The following FAM89A variants were observed in gnomAD, a reference collection of about 807,000 sequenced individuals.
FAM89A encodes the protein protein FAM89A.
A neutral mutation model predicts 7.1 loss-of-function variants in FAM89A; 10 were observed. That is an observed-to-expected ratio of 1.40 (90% CI 0.86 to 2.38). FAM89A has a LOEUF of 2.38. Among genes scored for constraint, FAM89A ranks in the 30% most tolerant of loss-of-function variants. The pLI is 0.00. For synonymous variants in FAM89A, 157 were observed against 129.3 expected, an observed-to-expected ratio of 1.21 and a Z score of -1.45; for missense variants, 276 against 262.8, an observed-to-expected ratio of 1.05 and a Z score of -0.35.
intron 1 of FAM89A, among the ~76,000 whole-genome samples, chr1:231,020,932 G>A (rs796878976): frequency 5.9e-5 from 9 of 152,246 alleles, no homozygotes; most frequent in South Asian, 4.1e-4. Flanking sequence ...GAAATGCATC[G>A]TTTACACCAA....
chr1:231,034,011 T>A (rs1002655011), intron 1 of FAM89A, among the ~76,000 whole-genome samples: 1 of 152,206 alleles, frequency 6.6e-6, no homozygotes, highest in Non-Finnish European at 1.5e-5. Context: ...GGGATGGGGA[T>A]GGGACAAGTA....
intron 1 of FAM89A, among the ~76,000 whole-genome samples, chr1:231,033,063 T>C (rs534443532): frequency 2.0e-5 from 3 of 152,386 alleles, no homozygotes; most frequent in African/African-American, 7.2e-5. Flanking sequence ...AAGGTTTTTC[T>C]GTCTCCAGAG....
intron 1 of FAM89A, chr1:231,026,789 C>T (rs1293373626): frequency 6.6e-6 from 1 of 152,170 alleles, no homozygotes; most frequent in African/African-American, 2.4e-5. Flanking sequence ...AGGAGTCTGA[C>T]TCGGCCAGCT....
rs1286206605 is a variant in FAM89A, at chr1:231,019,252, T to A, written c.*611A>T. On this transcript the variant is annotated 3_prime_UTR_variant, in exon 2 of 2. Transcript: ENST00000366654. Reference sequence around the variant, plus strand: ...CGTATCTGATAGACAAAGAATGATATAAAATTTTGGTTGAAAAAAGCCAGT... The same window carrying A: ...CGTATCTGATAGACAAAGAATGATAAAAAATTTTGGTTGAAAAAAGCCAGT... The A allele has an allele frequency of 6.6e-6, 1 of 151,572 alleles. No individual in the cohort carries two copies. The highest frequency in any genetic ancestry group is 2.1e-4 in the South Asian group (1 of 4,798). 9.4% of individuals were successfully genotyped at this position (151,572 alleles called of 1,614,324 possible).
At chr1:231,022,552 G>A (rs1232784270) in intron 1 of FAM89A, among the ~76,000 whole-genome samples, 3 of 152,160 alleles carry the variant, frequency 2.0e-5, no homozygotes, top group South Asian at 2.1e-4. Context: ...AGTGTCTGCC[G>A]GTCGACCAAT....
chr1:231,027,453 T>C (rs1390151612), intron 1 of FAM89A, among the ~76,000 whole-genome samples: 2 of 152,008 alleles, frequency 1.3e-5, no homozygotes, highest in East Asian at 3.9e-4. Flanking sequence ...CGCACACACA[T>C]ACATATGCAC....
At position 231,039,992 on chromosome 1, in the gene FAM89A, C is replaced by T. The variant is rs1209044312; in HGVS notation, c.220G>A (p.Ala74Thr). The T allele has an allele frequency of 2.9e-6, 4 of 1,384,914 alleles. No individual in the cohort carries two copies. The highest frequency in any genetic ancestry group is 3.3e-5 in the South Asian group (2 of 60,892). The allele number at this position is 1,384,914 out of a possible 1,614,324, so 85.8% of individuals were successfully genotyped here. A position where few individuals can be genotyped will look rare whatever the true frequency, so the allele number is the denominator to read the frequency against. ...LSRGGPGGGG[A>T]RAAALPAKPP... ...TTGGCGGGCAGCGCTGCCGCCCGGG[C>T]CCCGCCGCCGCCCGGGCCCCCGCGG... Residue 74 changes from alanine (A) to threonine (T), a missense_variant, in exon 1 of 2, where the codon GCC (alanine) becomes ACC (threonine). Transcript: ENST00000366654.
chr1:231,019,991 C>A lies in FAM89A; in HGVS notation c.427G>T (p.Asp143Tyr). Reference sequence around the variant, plus strand: ...TCCTGGAAATATTCCTCCTCTTCATCGAAGAAGCCGTTCTCCAGAGCGTAA... The same window carrying A: ...TCCTGGAAATATTCCTCCTCTTCATAGAAGAAGCCGTTCTCCAGAGCGTAA... ...CTYALENGFF[D>Y]EEEEYFQEQN... Residue 143 changes from aspartate (D) to tyrosine (Y), a missense_variant, in exon 2 of 2, where the codon GAT (aspartate) becomes TAT (tyrosine). Asp to Tyr is a radical substitution (Grantham distance 160). Transcript: ENST00000366654. The A allele has an allele frequency of 6.2e-7, 1 of 1,614,124 alleles. No homozygotes were observed. Among genetic ancestry groups the A allele is most frequent in the Non-Finnish European group, 8.5e-7 (1 of 1,180,026 alleles).
rs1558257188 is a variant in FAM89A at position 231,034,771 on chromosome 1, T to TAA, written c.291+5149_291+5150insTT. ...TGGGCAACAAGATAGAAACTCTGTCTCAAAAAAAAAAAAAAAAAAAAAAAG... is the reference window on the plus strand; with the variant it reads ...TGGGCAACAAGATAGAAACTCTGTCTAACAAAAAAAAAAAAAAAAAAAAAAAG... On this transcript the variant is annotated intron_variant, in intron 1 of 1. Transcript: ENST00000366654. Among the ~76,000 whole-genome samples, 21 of 87,888 alleles carry TAA rather than the reference T, an allele frequency of 2.4e-4. 3 individuals carry two copies. Among genetic ancestry groups the TAA allele is most frequent in the African/African-American group, 4.9e-4 (12 of 24,492 alleles). 57.7% of individuals were successfully genotyped at this position (87,888 alleles called of 152,430 possible). A position where few individuals can be genotyped will look rare whatever the true frequency, so the allele number is the denominator to read the frequency against.
At chr1:231,039,740 G>C (rs536292636) in intron 1 of FAM89A, among the ~76,000 whole-genome samples, 181 bp downstream of exon 1, 2 of 152,298 alleles carry the variant, frequency 1.3e-5, no homozygotes, top group South Asian at 2.1e-4. Context: ...GGTTCCAATC[G>C]TGGGCACGGA....
intron 1 of FAM89A, among the ~76,000 whole-genome samples, chr1:231,037,116 G>A (rs1484953401): frequency 6.6e-6 from 1 of 152,192 alleles, no homozygotes; most frequent in Non-Finnish European, 1.5e-5. Flanking sequence ...ACAGCAGACT[G>A]CAATGGTTAA....
In FAM89A at chr1:231,040,093, C is replaced by G. The variant is rs758853714; in HGVS notation, c.119G>C (p.Gly40Ala). The G allele has an allele frequency of 9.7e-6, 14 of 1,439,508 alleles. No homozygotes were observed. In the African/African-American group the frequency reaches 1.6e-4, roughly 17 times the overall value. 89.2% of individuals were successfully genotyped at this position (1,439,508 alleles called of 1,614,324 possible). A position where few individuals can be genotyped will look rare whatever the true frequency, so the allele number is the denominator to read the frequency against. ...CCGCCAGCCCCCAGACGCGCCGCCGCCCGACGCCGAGTGCAGCAGCCCGCT... is the reference window on the plus strand; with the variant it reads ...CCGCCAGCCCCCAGACGCGCCGCCGGCCGACGCCGAGTGCAGCAGCCCGCT... ...SLSGLLHSAS[G>A]GGASGGWRHL... Residue 40 changes from glycine (G) to alanine (A), a missense_variant, in exon 1 of 2, where the codon GGC becomes GCC. Gly to Ala is a moderately conservative substitution (Grantham distance 60). Coordinates refer to ENST00000366654, the MANE Select transcript of FAM89A (RefSeq NM_198552.3).
rs188148412 is a variant in FAM89A at position 231,029,330 on chromosome 1, A to C, written c.292-9204T>G. Among the ~76,000 whole-genome samples, 144 of 152,106 alleles carry C rather than the reference A, an allele frequency of 9.5e-4. 3 individuals are homozygous for C. The highest frequency in any genetic ancestry group is 1.2e-4 in the Non-Finnish European group (8 of 67,998). On this transcript the variant is annotated intron_variant, in intron 1 of 1. Transcript: ENST00000366654. ...ATGACGAGACCCTCATTTCTACAAAAATATTTTAAAAATTGGCTGGGTGTG... is the reference window on the plus strand; with the variant it reads ...ATGACGAGACCCTCATTTCTACAAACATATTTTAAAAATTGGCTGGGTGTG...
intron 1 of FAM89A, among the ~76,000 whole-genome samples, chr1:231,022,895 C>T (rs1679903826): frequency 6.6e-6 from 1 of 150,436 alleles, no homozygotes; most frequent in Non-Finnish European, 1.5e-5. Flanking sequence ...CCCATCCCAG[C>T]CCATTTCTGC....
intron 1 of FAM89A, chr1:231,021,494 T>C (rs998604538): frequency 3.1e-6 from 2 of 645,814 alleles, no homozygotes; most frequent in African/African-American, 1.8e-5. Context: ...CAAATTCTTT[T>C]GCAAGCCAGA....
At chr1:231,029,584 C>CTT (rs1294578399) in intron 1 of FAM89A, among the ~76,000 whole-genome samples, 1 of 152,174 alleles carries the variant, frequency 6.6e-6, no homozygotes, top group Non-Finnish European at 1.5e-5. Context: ...CTGCAGGACT[C>CTT]TGAAATGGGT....
chr1:231,030,668 C>T (rs916770542), intron 1 of FAM89A, among the ~76,000 whole-genome samples: 4 of 152,140 alleles, frequency 2.6e-5, no homozygotes, highest in African/African-American at 9.7e-5. Flanking sequence ...CAAACCAGTT[C>T]TCCTTAATTC....
At chr1:231,039,606 C>A (rs1020488231) in intron 1 of FAM89A, among the ~76,000 whole-genome samples, 2 of 152,182 alleles carry the variant, frequency 1.3e-5, no homozygotes, top group Non-Finnish European at 2.9e-5. Flanking sequence ...GCCGCCCCCG[C>A]CCCCAGGCCA....
chr1:231,019,922 C>T lies in FAM89A; in HGVS notation c.496G>A (p.Asp166Asn). ...AGGGAGGAGACAGGCAGTGACAAGT[C>T]CCGAGGAGGGCCTCGGTCCCTCCTG... is the stretch of plus-strand genomic sequence containing the variant. Reference protein sequence around the residue: ...HDRRDRGPPRDLSLPVSSLSS... With the variant: ...HDRRDRGPPRNLSLPVSSLSS... Residue 166 changes from aspartate to asparagine, a missense_variant, in exon 2 of 2, where the codon GAC becomes AAC. Asp to Asn is a conservative substitution (Grantham distance 23, BLOSUM62 1). Coordinates refer to ENST00000366654, the MANE Select transcript of FAM89A (RefSeq NM_198552.3). 6.2e-7 allele frequency: 1 copy of T among 1,614,180 alleles called. No individual in the cohort carries two copies.
Sources: allele counts gnomAD v4.1 joint callset (sites outside exome capture counted in the v4.1 genomes callset), GRCh38; gene constraint gnomAD v4.1.1; transcripts MANE v1.5; gene names NCBI Gene and HGNC (gene_info 2026-07-23, HGNC 2026-07-21).